The following ASPRV1 variants were observed in gnomAD, a reference collection of about 807,000 sequenced individuals.
The protein encoded by ASPRV1 is aspartic peptidase retroviral like 1.
A neutral mutation model predicts 11.0 loss-of-function variants in ASPRV1; 7 were observed. The observed-to-expected ratio is 0.64, with a 90% confidence interval of 0.36 to 1.20. The LOEUF (loss-of-function observed/expected upper bound fraction) is 1.20. Ranked by LOEUF, ASPRV1 falls within the 50% of genes most tolerant of loss-of-function variation. The pLI is 0.02. For synonymous variants in ASPRV1, 136 were observed against 138.4 expected (o/e 0.98, Z 0.12); for missense variants, 299 against 320.0 (o/e 0.93, Z 0.50).
chr2:70,041,829 G>T, the ASPRV1 span, among the ~76,000 whole-genome samples: 1 of 152,212 alleles, frequency 6.6e-6, no homozygotes, highest in Non-Finnish European at 1.5e-5. Flanking sequence ...TTGGGAAGAA[G>T]AGGATTCAAA....
the ASPRV1 span, among the ~76,000 whole-genome samples, chr2:69,998,519 A>T: frequency 6.6e-6 from 1 of 152,108 alleles, no homozygotes; most frequent in Non-Finnish European, 1.5e-5. Flanking sequence ...AGGCGGGTGG[A>T]TCACGAGGTC....
chr2:70,068,170 A>G, the ASPRV1 span, among the ~76,000 whole-genome samples: 1 of 152,202 alleles, frequency 6.6e-6, no homozygotes, highest in East Asian at 1.9e-4. Context: ...CACAGGGGAA[A>G]TGGGTATAGA....
At chr2:70,007,989 T>G in the ASPRV1 span, among the ~76,000 whole-genome samples, 1 of 152,044 alleles carries the variant, frequency 6.6e-6, no homozygotes, top group Non-Finnish European at 1.5e-5. Flanking sequence ...GTACGCTCCA[T>G]CACGCCTGGC....
the ASPRV1 span, chr2:70,050,600 G>A: frequency 6.6e-6 from 1 of 152,112 alleles, no homozygotes; most frequent in Non-Finnish European, 1.5e-5. Flanking sequence ...ACAATTCTAT[G>A]TTATATATGA....
At chr2:69,937,772 G>C in the ASPRV1 span, among the ~76,000 whole-genome samples, 1 of 152,234 alleles carries the variant, frequency 6.6e-6, no homozygotes, top group South Asian at 2.1e-4. Context: ...ACACCACAAT[G>C]CCTGGCAAAT....
At chr2:69,965,213 A>G (rs1200455676), upstream of ASPRV1, among the ~76,000 whole-genome samples, 2 of 152,010 alleles carry the variant, frequency 1.3e-5, no homozygotes, top group East Asian at 1.9e-4. Flanking sequence ...CTAATTTTTC[A>G]TATTTTTAGT....
the ASPRV1 span, among the ~76,000 whole-genome samples, chr2:70,033,820 ACACT>A: frequency 6.6e-6 from 1 of 152,168 alleles, no homozygotes. Context: ...CAATTCCCAT[ACACT>A]CACTGGCAGT....
chr2:70,045,247 G>A, the ASPRV1 span: 6 of 152,192 alleles, frequency 3.9e-5, no homozygotes, highest in Non-Finnish European at 5.9e-5. Context: ...ACAGACTTGA[G>A]GAGAAATAAA....
the ASPRV1 span, among the ~76,000 whole-genome samples, chr2:69,996,090 C>T: frequency 6.6e-6 from 1 of 151,612 alleles, no homozygotes; most frequent in Non-Finnish European, 1.5e-5. Context: ...GTTTAAATTA[C>T]AATTTTAAGG....
the ASPRV1 span, among the ~76,000 whole-genome samples, chr2:70,008,147 T>A: frequency 3.3e-5 from 5 of 152,190 alleles, no homozygotes; most frequent in South Asian, 2.1e-4. Flanking sequence ...ATTTTTTTTT[T>A]AATAATAATA....
downstream of ASPRV1, among the ~76,000 whole-genome samples, chr2:69,956,926 G>A (rs988881878): frequency 1.3e-5 from 2 of 152,096 alleles, no homozygotes; most frequent in Non-Finnish European, 2.9e-5. Context: ...AGAATAACTG[G>A]CCAGGCGTCC....
the ASPRV1 span, chr2:70,087,233 T>C: frequency 6.6e-6 from 1 of 152,154 alleles, no homozygotes; most frequent in Non-Finnish European, 1.5e-5. Flanking sequence ...GCCAGTGCCG[T>C]TAGAGTTAAT....
At chr2:69,986,255 A>T in the ASPRV1 span, among the ~76,000 whole-genome samples, 1 of 152,226 alleles carries the variant, frequency 6.6e-6, no homozygotes, top group Non-Finnish European at 1.5e-5. Flanking sequence ...TGCTTCCTGC[A>T]TGGGCAACTC....
At chr2:69,983,397 T>TG in the ASPRV1 span, among the ~76,000 whole-genome samples, 2 of 152,212 alleles carry the variant, frequency 1.3e-5, no homozygotes, top group Non-Finnish European at 2.9e-5. Context: ...AGCACTGGCC[T>TG]GAGTTCTGTT....
the ASPRV1 span, among the ~76,000 whole-genome samples, chr2:70,079,843 C>A: frequency 6.6e-6 from 1 of 152,152 alleles, no homozygotes; most frequent in African/African-American, 2.4e-5. Context: ...CAGAAGGGTT[C>A]TATTTAATTC....
the ASPRV1 span, among the ~76,000 whole-genome samples, chr2:69,953,979 A>T: frequency 6.6e-6 from 1 of 152,002 alleles, no homozygotes; most frequent in Non-Finnish European, 1.5e-5. Flanking sequence ...CTGCCTCCCA[A>T]AGTGTTGGGA....
At chr2:69,961,962 C>T (rs556628701), upstream of ASPRV1, 4 of 388,200 alleles carry the variant, frequency 1.0e-5, no homozygotes, top group Non-Finnish European at 1.9e-5. Flanking sequence ...GGACCAGACG[C>T]CCATCAGCTC....
At chr2:69,958,200 C>T (rs1196123536), downstream of ASPRV1, among the ~76,000 whole-genome samples, 1 of 152,226 alleles carries the variant, frequency 6.6e-6, no homozygotes, top group Non-Finnish European at 1.5e-5. Context: ...TGATCACTCT[C>T]ACCCGCATGC....
the ASPRV1 span, among the ~76,000 whole-genome samples, chr2:70,044,850 A>C: frequency 6.6e-6 from 1 of 151,958 alleles, no homozygotes; most frequent in South Asian, 2.1e-4. Flanking sequence ...GATACACCAC[A>C]CCCTCACCTC....
Sources: gnomAD v4.1 joint callset for allele counts (sites outside exome capture counted in the v4.1 genomes callset) on GRCh38, gnomAD v4.1.1 for gene constraint, MANE v1.5 for transcripts, NCBI Gene and HGNC (gene_info 2026-07-23, HGNC 2026-07-21) for gene names.